GRXCR1: variants seen among roughly 807,000 people sequenced by gnomAD.
The protein encoded by GRXCR1 is glutaredoxin domain-containing cysteine-rich protein 1.
Under a neutral mutation model 27.3 loss-of-function variants are expected in GRXCR1, and 27 were observed. The observed-to-expected ratio is 0.99, with a 90% confidence interval of 0.73 to 1.37. GRXCR1 has a LOEUF of 1.37. Ranked by LOEUF, GRXCR1 falls within the 40% of genes most tolerant of loss-of-function variation. GRXCR1 has a pLI of 0.00. For synonymous variants in GRXCR1, 122 were observed against 131.1 expected (o/e 0.93, Z 0.47); for missense variants, 379 against 354.4 (o/e 1.07, Z -0.56).
intron 3 of GRXCR1, among the ~76,000 whole-genome samples, chr4:43,024,258 C>T (rs1713185059): frequency 1.4e-5 from 2 of 144,316 alleles, no homozygotes; most frequent in African/African-American, 2.6e-5. Context: ...CCCCTGAGGG[C>T]GGGTAACCAC....
In GRXCR1 at chr4:43,003,787, T is replaced by C. The variant is rs527835032; in HGVS notation, c.628-16567T>C. 1.3e-4 allele frequency among the ~76,000 whole-genome samples: 20 copies of C among 152,320 alleles called. No individual in the cohort carries two copies. In the South Asian group the frequency reaches 3.9e-3, roughly 30 times the overall value. ...GCATACAATCACATGCATTCACAAA[T>C]AGAGGGTCTGAAATTGGACCTTATG... On this transcript the variant is annotated intron_variant, in intron 2 of 3. Coordinates refer to ENST00000399770, the MANE Select transcript of GRXCR1 (RefSeq NM_001080476.3).
chr4:42,950,947 A>G (rs997541840), intron 1 of GRXCR1, among the ~76,000 whole-genome samples: 9 of 152,268 alleles, frequency 5.9e-5, no homozygotes, highest in African/African-American at 2.2e-4. Flanking sequence ...ATGTATCCAG[A>G]TATCTATATC....
chr4:42,893,411 A>T lies in GRXCR1; in HGVS notation c.145A>T (p.Ile49Phe), dbSNP rs552319881. The T allele has an allele frequency of 1.9e-6, 3 of 1,613,880 alleles. No individual in the cohort carries two copies. The highest frequency in any genetic ancestry group is 2.2e-5 in the East Asian group (1 of 44,846). The change falls in exon 1 of 4, where the codon ATC (isoleucine) becomes TTC (phenylalanine). Residue 49 changes from isoleucine to phenylalanine, a missense_variant. By Grantham distance (21) the Ile-to-Phe change is conservative. Transcript: ENST00000399770. The part of the protein sequence containing the change: ...SGSLDSECAS[I>F]CGIDGLGDSD... ...CTCTCTGGATTCTGAATGTGCCAGT[A>T]TCTGTGGGATAGATGGACTAGGTGA... is the stretch of plus-strand genomic sequence containing the variant.
At chr4:42,947,291 G>A (rs1277014620) in intron 1 of GRXCR1, among the ~76,000 whole-genome samples, 1 of 151,962 alleles carries the variant, frequency 6.6e-6, no homozygotes, top group Non-Finnish European at 1.5e-5. Flanking sequence ...GGACACAGAG[G>A]AGTGACCAGA....
At chr4:43,003,193 C>T (rs1479102261) in intron 2 of GRXCR1, among the ~76,000 whole-genome samples, 2 of 152,110 alleles carry the variant, frequency 1.3e-5, no homozygotes, top group Non-Finnish European at 2.9e-5. Context: ...TACCCAGTCT[C>T]AAGTAGTTCT....
intron 2 of GRXCR1, among the ~76,000 whole-genome samples, chr4:42,984,440 T>C (rs1423752877): frequency 6.6e-6 from 1 of 152,240 alleles, no homozygotes; most frequent in Admixed American, 6.5e-5. Flanking sequence ...GGTAATGTCA[T>C]GTTTTTCTGA....
intron 1 of GRXCR1, among the ~76,000 whole-genome samples, chr4:42,909,798 T>C (rs1443160789): frequency 6.6e-6 from 1 of 152,186 alleles, no homozygotes; most frequent in Non-Finnish European, 1.5e-5. Flanking sequence ...GTAGCATTTA[T>C]ACATAAAATC....
chr4:42,962,886 C>T lies in GRXCR1; in HGVS notation c.385-6C>T. On this transcript the variant is annotated splice_polypyrimidine_tract_variant and splice_region_variant and intron_variant, in intron 1 of 3. Coordinates refer to ENST00000399770, the MANE Select transcript of GRXCR1 (RefSeq NM_001080476.3). ...ACATTCTTACAACTCAATGTTTTCC[C>T]TTCAGCAACCATCAACTGATCTAGA... is the stretch of plus-strand genomic sequence containing the variant. 6.2e-7 allele frequency: 1 copy of T among 1,612,324 alleles called. No individual in the cohort carries two copies. The highest frequency in any genetic ancestry group is 2.2e-5 in the East Asian group (1 of 44,860).
intron 2 of GRXCR1, among the ~76,000 whole-genome samples, chr4:42,980,782 TA>T (rs1454041945): frequency 6.6e-6 from 1 of 152,120 alleles, no homozygotes; most frequent in African/African-American, 2.4e-5. Context: ...CCTTCAAATC[TA>T]TTAATATTTG....
At chr4:42,932,619 T>G (rs3860628) in intron 1 of GRXCR1, among the ~76,000 whole-genome samples, 689 of 22,870 alleles carry the variant, frequency 0.03, 53 homozygotes, top group African/African-American at 0.077. Flanking sequence ...TATATATATA[T>G]AGAGAGAGAG....
chr4:43,000,895 A>G (rs10013428), intron 2 of GRXCR1, among the ~76,000 whole-genome samples: 2,583 of 152,038 alleles, frequency 0.017, 81 homozygotes, highest in African/African-American at 0.058. Context: ...ATTTATAGCT[A>G]TAGGTGTTTT....
At chr4:42,943,423 T>TA (rs1747667821) in intron 1 of GRXCR1, among the ~76,000 whole-genome samples, 1 of 152,058 alleles carries the variant, frequency 6.6e-6, no homozygotes, top group African/African-American at 2.4e-5. Flanking sequence ...TTCCCAAACT[T>TA]ACACAATTTT....
At chr4:42,974,081 G>C (rs908418074) in intron 2 of GRXCR1, among the ~76,000 whole-genome samples, 1 of 152,248 alleles carries the variant, frequency 6.6e-6, no homozygotes, top group Admixed American at 6.5e-5. Flanking sequence ...AGACAGCAGG[G>C]TTTGCAGCAG....
At chr4:42,938,615 C>A (rs1301224124) in intron 1 of GRXCR1, among the ~76,000 whole-genome samples, 1 of 151,804 alleles carries the variant, frequency 6.6e-6, no homozygotes, top group East Asian at 1.9e-4. Context: ...CCCATATATT[C>A]TTGTAGAATT....
At chr4:42,976,497 CAAGAGTAT>C (rs1748524383) in intron 2 of GRXCR1, among the ~76,000 whole-genome samples, 1 of 151,872 alleles carries the variant, frequency 6.6e-6, no homozygotes, top group South Asian at 2.1e-4. Context: ...GCATATATCA[CAAGAGTAT>C]AGGTCAGTAA....
chr4:42,981,522 T>C (rs1447442506), intron 2 of GRXCR1, among the ~76,000 whole-genome samples: 3 of 152,216 alleles, frequency 2.0e-5, no homozygotes, highest in Non-Finnish European at 4.4e-5. Flanking sequence ...TGTATACTTT[T>C]ACCAGTGAGT....
At chr4:42,999,358 A>G (rs1206448746) in intron 2 of GRXCR1, among the ~76,000 whole-genome samples, 1 of 152,242 alleles carries the variant, frequency 6.6e-6, no homozygotes, top group Non-Finnish European at 1.5e-5. Context: ...TAAAAAAGAC[A>G]GCTTCCACTT....
At chr4:43,010,415 AAAAG>A (rs1712710007) in intron 2 of GRXCR1, among the ~76,000 whole-genome samples, 1 of 152,010 alleles carries the variant, frequency 6.6e-6, no homozygotes, top group East Asian at 1.9e-4. Flanking sequence ...AAAAAAAAAA[AAAAG>A]AGTGTGGCCT....
chr4:42,996,213 C>A (rs1277554156), intron 2 of GRXCR1, among the ~76,000 whole-genome samples: 1 of 151,978 alleles, frequency 6.6e-6, no homozygotes, highest in Non-Finnish European at 1.5e-5. Context: ...TTTATAAATC[C>A]TGCTTTATAT....
Sources: allele counts gnomAD v4.1 joint callset (sites outside exome capture counted in the v4.1 genomes callset), GRCh38; gene constraint gnomAD v4.1.1; transcripts MANE v1.5; gene names NCBI Gene and HGNC (gene_info 2026-07-23, HGNC 2026-07-21).